The following CHODL variants were observed in gnomAD, a reference collection of about 807,000 sequenced individuals.
CHODL encodes the protein transmembrane protein MT75.
A neutral mutation model predicts 34.5 loss-of-function variants in CHODL; 29 were observed. The observed-to-expected ratio is 0.84, with a 90% CI of 0.63 to 1.15. The LOEUF is 1.15. Ranked by LOEUF, CHODL falls within the 50% of genes most tolerant of loss-of-function variation. CHODL has a pLI of 0.00. For synonymous variants in CHODL, 125 were observed against 116.1 expected, an observed-to-expected ratio of 1.08 and a Z score of -0.49; for missense variants, 332 against 332.5, an observed-to-expected ratio of 1.00 and a Z score of 0.01.
intron 2 of CHODL, among the ~76,000 whole-genome samples, chr21:18,095,086 T>C (rs913266489): frequency 1.3e-5 from 2 of 151,038 alleles, no homozygotes; most frequent in African/African-American, 4.9e-5. Flanking sequence ...ATCACACCAC[T>C]GCACTCTAGC....
chr21:17,983,918 G>T (rs1387589766), intron 1 of CHODL, among the ~76,000 whole-genome samples: 2 of 151,406 alleles, frequency 1.3e-5, no homozygotes, highest in Non-Finnish European at 2.9e-5. Flanking sequence ...TGTGTGGGGG[G>T]GGTGGGGGCA....
chr21:18,216,582 C>T (rs2073830631), intron 2 of CHODL, among the ~76,000 whole-genome samples: 1 of 152,132 alleles, frequency 6.6e-6, no homozygotes, highest in African/African-American at 2.4e-5. Flanking sequence ...GTCCTCCAAG[C>T]TCATTCATGT....
chr21:18,187,761 T>G (rs9984966), intron 2 of CHODL, among the ~76,000 whole-genome samples: 13,500 of 152,250 alleles, frequency 0.089, 681 homozygotes, highest in South Asian at 0.21. Context: ...TATGAAATCA[T>G]CTCTGCTGCC....
In CHODL at chr21:18,052,316, T is replaced by G. The variant is rs141594911; in HGVS notation, c.-45+24345T>G. Among the ~76,000 whole-genome samples, 490 of 152,014 alleles carry G rather than the reference T, an allele frequency of 3.2e-3. 3 individuals carry two copies. Among genetic ancestry groups the G allele is most frequent in the African/African-American group, 0.011 (437 of 41,508 alleles). ...ATTAATTTTTTCCAATGTCTTTATT[T>G]TACTGATGAGGAAGCTATGACCTAT... On this transcript the variant is annotated intron_variant, in intron 2 of 6. Coordinates refer to the CHODL transcript ENST00000400127.
intron 1 of CHODL, among the ~76,000 whole-genome samples, chr21:17,952,494 TTAA>T (rs1225124249): frequency 6.6e-6 from 1 of 151,996 alleles, no homozygotes; most frequent in African/African-American, 2.4e-5. Context: ...AAAAAAATCC[TTAA>T]AAATGAAGAA....
chr21:18,193,057 C>T (rs2073529885), intron 2 of CHODL, among the ~76,000 whole-genome samples: 1 of 152,020 alleles, frequency 6.6e-6, no homozygotes, highest in Admixed American at 6.6e-5. Context: ...TACGTAGATA[C>T]ACTAAAAATA....
chr21:18,266,408 G>C lies in CHODL; in HGVS notation c.*370G>C. The C allele has an allele frequency of 2.9e-6, 1 of 346,982 alleles. No individual in the cohort carries two copies. The highest frequency in any genetic ancestry group is 4.5e-5 in the Admixed American group (1 of 22,362). 21.5% of individuals were successfully genotyped at this position (346,982 alleles called of 1,614,324 possible). On this transcript the variant is annotated 3_prime_UTR_variant, in exon 6 of 6. Coordinates refer to ENST00000299295, the MANE Select transcript of CHODL (RefSeq NM_024944.3). Reference sequence around the variant, plus strand: ...TTATCTAGTCAATGTAATGTATATTGTATTGAAATTTACAGTGTGCAAAAG... The same window carrying C: ...TTATCTAGTCAATGTAATGTATATTCTATTGAAATTTACAGTGTGCAAAAG...
chr21:17,924,688 CT>C (rs2063209400), intron 1 of CHODL, among the ~76,000 whole-genome samples: 1 of 152,210 alleles, frequency 6.6e-6, no homozygotes, highest in Non-Finnish European at 1.5e-5. Context: ...AATCTCTAGA[CT>C]GAAGGACTTT....
chr21:18,009,897 A>AAAAATAAAT (rs1337340573), intron 1 of CHODL, among the ~76,000 whole-genome samples: 3 of 149,846 alleles, frequency 2.0e-5, no homozygotes, highest in African/African-American at 7.4e-5. Flanking sequence ...CAAAAAAAAA[A>AAAAATAAAT]AAATAACATT....
Position 18,003,466 on chromosome 21 carries a change from T to C in CHODL, c.-144-24406T>C, listed in dbSNP as rs530659216. Reference sequence around the variant, plus strand: ...AAAAATGAAAACCAATACTGACTGATTGCTTTCTAAGTGATAGGCAGACTG... The same window carrying C: ...AAAAATGAAAACCAATACTGACTGACTGCTTTCTAAGTGATAGGCAGACTG... On this transcript the variant is annotated intron_variant, in intron 1 of 6. Transcript: ENST00000400127. 2.8e-4 allele frequency among the ~76,000 whole-genome samples: 43 copies of C among 151,722 alleles called. No individual in the cohort carries two copies. In the South Asian group the frequency reaches 7.9e-3, roughly 28 times the overall value.
intron 3 of CHODL, among the ~76,000 whole-genome samples, chr21:18,257,942 T>C (rs923484555): frequency 6.6e-6 from 1 of 152,014 alleles, no homozygotes; most frequent in Non-Finnish European, 1.5e-5. Flanking sequence ...GGCTTTGAGA[T>C]TTTTTTTGCT....
Position 17,955,763 on chromosome 21 carries a change from C to T in CHODL, c.-145+38363C>T, listed in dbSNP as rs1472958659. Among the ~76,000 whole-genome samples, 3 of 136,596 alleles carry T rather than the reference C, an allele frequency of 2.2e-5. 1 individual carries two copies. Among genetic ancestry groups the T allele is most frequent in the Non-Finnish European group, 3.3e-5 (2 of 60,134 alleles). The allele number at this position is 136,596 out of a possible 152,430, so 89.6% of individuals were successfully genotyped here. A position where few individuals can be genotyped will look rare whatever the true frequency, so the allele number is the denominator to read the frequency against. The stretch of plus-strand genomic sequence containing the variant: ...TTTTGGGAATAGACTTTTATAAAAA[C>T]CTGAAGTGCTGTGAAGCAAGTCAGG... On this transcript the variant is annotated intron_variant, in intron 1 of 6. Coordinates refer to the CHODL transcript ENST00000400127.
chr21:18,003,708 A>G (rs1463492257), intron 1 of CHODL, among the ~76,000 whole-genome samples: 1 of 151,906 alleles, frequency 6.6e-6, no homozygotes, highest in Non-Finnish European at 1.5e-5. Flanking sequence ...TCTCTTTTTT[A>G]AAGAATTGAA....
At chr21:18,251,327 G>GCT (rs1449908720) in intron 1 of CHODL, among the ~76,000 whole-genome samples, 4 of 148,420 alleles carry the variant, frequency 2.7e-5, no homozygotes, top group African/African-American at 4.9e-5. Flanking sequence ...TATTTATGTA[G>GCT]CTGTGTGTGA....
chr21:18,094,345 G>A (rs1279469335), intron 2 of CHODL, among the ~76,000 whole-genome samples: 2 of 152,114 alleles, frequency 1.3e-5, no homozygotes, highest in African/African-American at 4.8e-5. Flanking sequence ...GACTTAATCT[G>A]CACTATAGAA....
intron 2 of CHODL, among the ~76,000 whole-genome samples, chr21:18,066,639 G>A (rs1029327770): frequency 1.3e-5 from 2 of 152,154 alleles, no homozygotes; most frequent in South Asian, 2.1e-4. Context: ...ACTTAGGGGG[G>A]TGTTATGGCC....
chr21:18,178,711 C>A (rs1197108400), intron 2 of CHODL, among the ~76,000 whole-genome samples: 2 of 152,100 alleles, frequency 1.3e-5, no homozygotes, highest in African/African-American at 4.8e-5. Context: ...CCTCTTCATG[C>A]TGAGTAGGCT....
intron 1 of CHODL, among the ~76,000 whole-genome samples, chr21:17,918,954 A>G (rs987269196): frequency 6.6e-6 from 1 of 152,246 alleles, no homozygotes; most frequent in Non-Finnish European, 1.5e-5. Context: ...CAGGGCAGTC[A>G]AATCTTAAGG....
intron 1 of CHODL, among the ~76,000 whole-genome samples, chr21:18,002,701 C>T (rs1001507226): frequency 3.3e-5 from 5 of 152,118 alleles, no homozygotes; most frequent in African/African-American, 4.8e-5. Flanking sequence ...GAGTGGAAGA[C>T]GCCTCCTCAC....
Sources: gnomAD v4.1 joint callset for allele counts (sites outside exome capture counted in the v4.1 genomes callset) on GRCh38, gnomAD v4.1.1 for gene constraint, MANE v1.5 for transcripts, NCBI Gene and HGNC (gene_info 2026-07-23, HGNC 2026-07-21) for gene names.